The following PTPRM variants were observed in gnomAD, a reference collection of about 807,000 sequenced individuals.
PTPRM encodes the protein protein tyrosine phosphatase receptor type M, also known as receptor-type tyrosine-protein phosphatase mu.
PTPRM carries 47 observed loss-of-function variants against 186.7 expected under a neutral mutation model. The ratio of observed to expected loss-of-function variants is 0.25; its 90% CI spans 0.20 to 0.32. PTPRM has a LOEUF of 0.32. Among genes scored for constraint, PTPRM ranks in the 10% least tolerant of loss-of-function variants. PTPRM has a pLI of 1.00. For synonymous variants in PTPRM, 668 were observed against 674.9 expected (o/e 0.99, Z 0.16); for missense variants, 1,494 against 1,865.0 (o/e 0.80, Z 3.66).
At chr18:8,135,298 A>G (rs372553365) in intron 13 of PTPRM, among the ~76,000 whole-genome samples, 4 of 152,204 alleles carry the variant, frequency 2.6e-5, no homozygotes, top group African/African-American at 9.7e-5. Flanking sequence ...AAAGTAAGAT[A>G]TTATTATATT....
intron 7 of PTPRM, among the ~76,000 whole-genome samples, chr18:8,067,252 A>G (rs1600371246): frequency 6.6e-6 from 1 of 152,230 alleles, no homozygotes; most frequent in African/African-American, 2.4e-5. Context: ...GTGTATGTAT[A>G]GAGATCTGGA....
In PTPRM at chr18:7,577,652, CA is replaced by C. The variant is rs947713170; in HGVS notation, c.73+9763del. 3.9e-4 allele frequency among the ~76,000 whole-genome samples: 59 copies of C among 152,276 alleles called. 1 individual carries two copies. Among genetic ancestry groups the C allele is most frequent in the African/African-American group, 1.4e-3 (59 of 41,554 alleles). ...ACTTAATAAAAAGAGGCTACTTTGA[CA>C]ACAACCTCATAAACTGTGTTTTCTA... On this transcript the variant is annotated intron_variant, in intron 1 of 32. Transcript: ENST00000580170.
chr18:8,335,190 C>T (rs1293982585), intron 22 of PTPRM, among the ~76,000 whole-genome samples: 1 of 152,190 alleles, frequency 6.6e-6, no homozygotes, highest in Non-Finnish European at 1.5e-5. Flanking sequence ...TCCTTCCCTC[C>T]CAAGTGGCAA....
intron 14 of PTPRM, among the ~76,000 whole-genome samples, chr18:8,214,773 C>A (rs2094056661): frequency 6.6e-6 from 1 of 152,164 alleles, no homozygotes; most frequent in Non-Finnish European, 1.5e-5. Context: ...AAGCGATTCT[C>A]CTACCTCAGC....
At chr18:7,591,467 C>A (rs1419170039) in intron 1 of PTPRM, among the ~76,000 whole-genome samples, 2 of 152,118 alleles carry the variant, frequency 1.3e-5, no homozygotes, top group African/African-American at 2.4e-5. Flanking sequence ...CAAAATAAAA[C>A]AACAGACTGG....
Position 8,088,779 on chromosome 18 carries a change from C to T in PTPRM, c.1784C>T (p.Thr595Ile). ...TCTATGCCAGCTTATGAACTTGAGA[C>T]ACCTTTGAATCAAACTGACAATACC... ...APSMPAYELE[T>I]PLNQTDNTVT... The change falls in exon 11 of 33, where the codon ACA becomes ATA. Residue 595 changes from threonine (T) to isoleucine (I), a missense_variant. Thr to Ile is a moderately conservative substitution (Grantham distance 89, BLOSUM62 -1). Transcript: ENST00000580170. 1 of 1,613,154 alleles carries T rather than the reference C, an allele frequency of 6.2e-7. No homozygotes were observed. The highest frequency in any genetic ancestry group is 8.5e-7 in the Non-Finnish European group (1 of 1,179,300).
At chr18:8,210,344 GAC>G (rs1048814942) in intron 14 of PTPRM, among the ~76,000 whole-genome samples, 3 of 152,118 alleles carry the variant, frequency 2.0e-5, no homozygotes, top group African/African-American at 7.2e-5. Context: ...TGGAAATTGA[GAC>G]ACAGGGAGAG....
rs565022439 is a variant in PTPRM, at chr18:7,774,171, G to A, written c.96G>A (p.Pro32=). The part of the protein sequence containing the change: ...TFSGGCLFDE[P]YSTCGYSQSE... ...TAGGTGGCTGCCTCTTTGATGAGCCGTATAGCACATGTGGATATAGTCAAT... is the reference window on the plus strand; with the variant it reads ...TAGGTGGCTGCCTCTTTGATGAGCCATATAGCACATGTGGATATAGTCAAT... Residue 32 remains proline, a synonymous_variant, in exon 2 of 33, where the codon CCG becomes CCA. Coordinates refer to ENST00000580170, the MANE Select transcript of PTPRM (RefSeq NM_001105244.2). 29 of 1,611,486 alleles carry A rather than the reference G, an allele frequency of 1.8e-5. No homozygotes were observed. In the African/African-American group the frequency reaches 2.0e-4, roughly 11 times the overall value.
chr18:7,834,890 A>G (rs1362963472), intron 2 of PTPRM, among the ~76,000 whole-genome samples: 2 of 149,152 alleles, frequency 1.3e-5, no homozygotes, highest in African/African-American at 4.9e-5. Flanking sequence ...TTTCCAATTT[A>G]TTGGCATATA....
At chr18:8,378,819 A>G (rs1436803151) in intron 27 of PTPRM, among the ~76,000 whole-genome samples, 1 of 152,084 alleles carries the variant, frequency 6.6e-6, no homozygotes, top group Non-Finnish European at 1.5e-5. Context: ...TTCCTCACAT[A>G]TGCATTTTGT....
intron 2 of PTPRM, among the ~76,000 whole-genome samples, chr18:7,841,054 T>G (rs2046295872): frequency 6.6e-6 from 1 of 152,206 alleles, no homozygotes; most frequent in South Asian, 2.1e-4. Flanking sequence ...AGCATCATTT[T>G]AAGTTCCTTG....
At chr18:8,264,765 A>G (rs1316370728) in intron 19 of PTPRM, among the ~76,000 whole-genome samples, 1 of 128,050 alleles carries the variant, frequency 7.8e-6, no homozygotes, top group African/African-American at 3.1e-5. Flanking sequence ...ACAGAGCAAG[A>G]CTCCATCTCA....
intron 2 of PTPRM, among the ~76,000 whole-genome samples, chr18:7,865,005 T>C (rs939650847): frequency 2.6e-5 from 4 of 152,208 alleles, no homozygotes; most frequent in African/African-American, 9.7e-5. Context: ...GTTTGTCTAT[T>C]ATTGGTGCAT....
chr18:8,376,524 G>A lies in PTPRM; in HGVS notation c.3389G>A (p.Arg1130Lys). The change falls in exon 26 of 33, where the codon AGG becomes AAG. Residue 1130 changes from arginine (R) to lysine (K), a missense_variant. This residue lies in a region of PTPRM where 1,107 missense variants were observed against 1,350.2 expected (regional missense o/e 0.82). Transcript: ENST00000580170. ...VIDIMLDMAE[R>K]EGVVDIYNCV... Reference sequence around the variant, plus strand: ...GATATCATGTTGGACATGGCCGAAAGGGAAGGGGTCGTAGACATCTACAAC... The same window carrying A: ...GATATCATGTTGGACATGGCCGAAAAGGAAGGGGTCGTAGACATCTACAAC... 13 of 1,614,080 alleles carry A rather than the reference G, an allele frequency of 8.1e-6. No individual in the cohort carries two copies. Among genetic ancestry groups the A allele is most frequent in the Non-Finnish European group, 1.0e-5 (12 of 1,180,010 alleles).
At chr18:7,665,382 T>C (rs759246043) in intron 1 of PTPRM, among the ~76,000 whole-genome samples, 46 of 152,202 alleles carry the variant, frequency 3.0e-4, no homozygotes, top group Non-Finnish European at 5.3e-4. Context: ...AGTTTATGTG[T>C]ATTTTGAGAT....
intron 1 of PTPRM, among the ~76,000 whole-genome samples, chr18:7,762,371 G>A (rs1404502471): frequency 2.6e-5 from 4 of 152,046 alleles, no homozygotes; most frequent in Non-Finnish European, 4.4e-5. Flanking sequence ...GACCGCATGA[G>A]CATAGGGGTA....
chr18:8,078,555 G>A (rs619379), intron 9 of PTPRM, among the ~76,000 whole-genome samples: 97,854 of 152,078 alleles, frequency 0.64, 31,713 homozygotes, highest in African/African-American at 0.7. Context: ...TTCTTTAAGG[G>A]AGGCAGCACA....
chr18:7,663,399 A>C (rs1282455950), intron 1 of PTPRM, among the ~76,000 whole-genome samples: 1 of 152,224 alleles, frequency 6.6e-6, no homozygotes, highest in Non-Finnish European at 1.5e-5. Flanking sequence ...AGCAGTGAAC[A>C]AAACACCCTC....
At chr18:7,966,573 CAGTG>C (rs2054078448) in intron 7 of PTPRM, among the ~76,000 whole-genome samples, 1 of 147,192 alleles carries the variant, frequency 6.8e-6, no homozygotes, top group Non-Finnish European at 1.5e-5. Context: ...GAGTGCCAGA[CAGTG>C]GGCTCAGGTC....
Sources: allele counts gnomAD v4.1 joint callset (sites outside exome capture counted in the v4.1 genomes callset), GRCh38; gene constraint gnomAD v4.1.1; regional missense constraint gnomAD v4.1.1; transcripts MANE v1.5; gene names NCBI Gene and HGNC (gene_info 2026-07-23, HGNC 2026-07-21).